Variants in MALRD1 observed in about 807,000 individuals in gnomAD.
The protein encoded by MALRD1 is MAM and LDL receptor class A domain containing 1.
In MALRD1, 247 loss-of-function variants were observed where a neutral mutation model predicts 242.1. The observed-to-expected ratio is 1.02, with a 90% confidence interval of 0.92 to 1.13. MALRD1 has a LOEUF of 1.13. Among genes scored for constraint, MALRD1 ranks in the 50% most tolerant of loss-of-function variants. The pLI, the probability that MALRD1 is intolerant of heterozygous loss-of-function variation, is 0.00. For missense variants in MALRD1, 2,989 were observed against 2,533.1 expected (o/e 1.18, Z -3.86); for synonymous variants, 995 against 866.6 (o/e 1.15, Z -2.60).
rs138173748 is a variant in MALRD1 at position 19,461,639 on chromosome 10, C to T, written c.5029+11149C>T. 5.3e-3 allele frequency among the ~76,000 whole-genome samples: 808 copies of T among 151,868 alleles called. 7 individuals are homozygous for T. The highest frequency in any genetic ancestry group is 0.012 in the Admixed American group (177 of 15,240). On this transcript the variant is annotated intron_variant, in intron 29 of 39. Coordinates refer to ENST00000454679, the MANE Select transcript of MALRD1 (RefSeq NM_001142308.3). ...CTGAGGCAGGAAGATCACTTGAGCT[C>T]AGAAGTTCAGCTTGGGCAACATAGT... is the stretch of plus-strand genomic sequence containing the variant.
At chr10:19,157,036 A>G (rs550148637) in intron 12 of MALRD1, among the ~76,000 whole-genome samples, 6 of 152,302 alleles carry the variant, frequency 3.9e-5, no homozygotes, top group African/African-American at 1.4e-4. Flanking sequence ...GACTGCCAGA[A>G]GAGATATTTG....
At chr10:19,246,939 G>A (rs529511714) in intron 18 of MALRD1, among the ~76,000 whole-genome samples, 104 of 152,106 alleles carry the variant, frequency 6.8e-4, no homozygotes, top group Non-Finnish European at 6.0e-4. Context: ...CTCTATACAA[G>A]AGTGTGTTTC....
chr10:19,726,909 G>T (rs910303338), intron 38 of MALRD1, among the ~76,000 whole-genome samples: 2 of 152,162 alleles, frequency 1.3e-5, no homozygotes, highest in Admixed American at 1.3e-4. Flanking sequence ...AAAGACAGAA[G>T]GTAAATCAGA....
intron 29 of MALRD1, among the ~76,000 whole-genome samples, chr10:19,453,392 T>C (rs1835432486): frequency 6.6e-6 from 1 of 152,186 alleles, no homozygotes; most frequent in Non-Finnish European, 1.5e-5. Flanking sequence ...TGCTAATTGA[T>C]ATTGGGTTTC....
chr10:19,181,740 G>GA (rs558333094), intron 14 of MALRD1, among the ~76,000 whole-genome samples: 14 of 149,038 alleles, frequency 9.4e-5, no homozygotes, highest in East Asian at 2.0e-4. Context: ...CACAAAAAAA[G>GA]AAAAAAAAGG....
intron 32 of MALRD1, among the ~76,000 whole-genome samples, chr10:19,562,807 C>G (rs531748166): frequency 9.9e-5 from 15 of 152,250 alleles, no homozygotes; most frequent in African/African-American, 3.6e-4. Context: ...ATGAACCCTA[C>G]TGTGACCTGT....
chr10:19,447,041 AACAC>A (rs10535583), intron 28 of MALRD1, among the ~76,000 whole-genome samples: 88 of 148,110 alleles, frequency 5.9e-4, no homozygotes, highest in Middle Eastern at 3.4e-3. Context: ...CTCTGTTAGG[AACAC>A]ACACACACAC....
intron 13 of MALRD1, among the ~76,000 whole-genome samples, chr10:19,168,036 G>A (rs1834773479): frequency 6.6e-6 from 1 of 152,142 alleles, no homozygotes; most frequent in Admixed American, 6.5e-5. Context: ...GATATTGTCT[G>A]GAAATAGTAG....
intron 21 of MALRD1, among the ~76,000 whole-genome samples, chr10:19,317,446 A>G (rs1453567335): frequency 6.6e-6 from 1 of 151,958 alleles, no homozygotes; most frequent in East Asian, 1.9e-4. Flanking sequence ...TATGGACTCT[A>G]AACATTCAGA....
At chr10:19,546,469 T>C (rs182445507) in intron 32 of MALRD1, among the ~76,000 whole-genome samples, 2 of 152,288 alleles carry the variant, frequency 1.3e-5, no homozygotes, top group Admixed American at 6.5e-5. Context: ...TATTTACTCA[T>C]CTTGTCTGTT....
chr10:19,316,137 A>G (rs1366235899), intron 21 of MALRD1, among the ~76,000 whole-genome samples: 1 of 151,090 alleles, frequency 6.6e-6, no homozygotes, highest in Admixed American at 6.6e-5. Context: ...GAAACTCCTT[A>G]GTAAATTTAC....
chr10:19,134,829 T>C (rs1349575075), intron 9 of MALRD1, among the ~76,000 whole-genome samples: 1 of 152,134 alleles, frequency 6.6e-6, no homozygotes, highest in African/African-American at 2.4e-5. Context: ...TATTCCAGGT[T>C]CTCAAGTGGA....
At position 19,291,580 on chromosome 10, in the gene MALRD1, T is replaced by C. The variant is rs563673287; in HGVS notation, c.3419+8399T>C. On this transcript the variant is annotated intron_variant, in intron 21 of 39. Coordinates refer to ENST00000454679, the MANE Select transcript of MALRD1 (RefSeq NM_001142308.3). ...AAAATTCATGGAATGGAGTTGGGAATTTGTATTTTTACAAATTCTAGATGC... is the reference window on the plus strand; with the variant it reads ...AAAATTCATGGAATGGAGTTGGGAACTTGTATTTTTACAAATTCTAGATGC... The C allele has an allele frequency of 6.6e-5, 10 of 152,016 alleles. No homozygotes were observed. The South Asian group carries it at 2.1e-3, about 32-fold the overall frequency. 9.4% of individuals were successfully genotyped at this position (152,016 alleles called of 1,614,324 possible).
chr10:19,687,031 T>C (rs908562319), intron 36 of MALRD1, among the ~76,000 whole-genome samples: 9 of 152,138 alleles, frequency 5.9e-5, no homozygotes, highest in African/African-American at 2.2e-4. Context: ...TGGATTTTTT[T>C]CCCTCCTATT....
chr10:19,167,300 A>T (rs771783677), intron 13 of MALRD1, among the ~76,000 whole-genome samples: 1 of 152,198 alleles, frequency 6.6e-6, no homozygotes, highest in Non-Finnish European at 1.5e-5. Context: ...TGGAAGTTGC[A>T]GTGAGCTGAC....
At chr10:19,334,890 A>G (rs909599201) in intron 24 of MALRD1, among the ~76,000 whole-genome samples, 7 of 152,044 alleles carry the variant, frequency 4.6e-5, no homozygotes, top group African/African-American at 1.7e-4. Flanking sequence ...TCTCTTTCCT[A>G]GAGATATAGT....
At chr10:19,731,392 T>C (rs1835290235) in intron 39 of MALRD1, among the ~76,000 whole-genome samples, 1 of 152,188 alleles carries the variant, frequency 6.6e-6, no homozygotes, top group Non-Finnish European at 1.5e-5. Context: ...AAAACTTTTA[T>C]ATGTTTAAGG....
In MALRD1 at chr10:19,063,960, T is replaced by A. The variant is rs200875157; in HGVS notation, c.200-2759T>A. On this transcript the variant is annotated intron_variant, in intron 1 of 39. Coordinates refer to ENST00000454679, the MANE Select transcript of MALRD1 (RefSeq NM_001142308.3). ...AAGTATCATATAATAAAATAAAAAA[T>A]AATAATAATAATTAAAAATATTTTT... Among the ~76,000 whole-genome samples the A allele has an allele frequency of 1.6e-3, 239 of 151,642 alleles. 1 individual carries two copies. Among genetic ancestry groups the A allele is most frequent in the Middle Eastern group, 0.01 (3 of 290 alleles).
intron 31 of MALRD1, among the ~76,000 whole-genome samples, chr10:19,514,178 C>G (rs1456462972): frequency 6.6e-6 from 1 of 152,030 alleles, no homozygotes; most frequent in African/African-American, 2.4e-5. Context: ...GTGCAACTGG[C>G]AAGAAAATTT....
Sources: gnomAD v4.1 joint callset for allele counts (sites outside exome capture counted in the v4.1 genomes callset) on GRCh38, gnomAD v4.1.1 for gene constraint, MANE v1.5 for transcripts, NCBI Gene and HGNC (gene_info 2026-07-23, HGNC 2026-07-21) for gene names.